OAT: variants seen among roughly 807,000 people sequenced by gnomAD.
The protein encoded by OAT is ornithine aminotransferase.
In OAT, 35 loss-of-function variants were observed where a neutral mutation model predicts 48.4. That is an observed-to-expected ratio of 0.72 (90% CI 0.55 to 0.96). The LOEUF (loss-of-function observed/expected upper bound fraction) is 0.96, where lower values mean the gene tolerates loss of function less well. Among genes scored for constraint, OAT ranks in the 40% least tolerant of loss-of-function variants. The probability of loss-of-function intolerance (pLI) is 0.00; values close to 1 mark genes in which losing one functional copy is unlikely to be tolerated. For missense variants in OAT, 438 were observed against 537.9 expected (o/e 0.81, Z 1.84); for synonymous variants, 182 against 198.4 (o/e 0.92, Z 0.70).
At position 124,400,859 on chromosome 10, in the gene OAT, A is replaced by T. The variant is rs1951386190; in HGVS notation, c.1140T>A (p.Ile380=). ...CCATACCTTTGGTTTCTTTAATGAC[A>T]ATAGCGTTTAATAATCCTTTTCCTC... ...AVRGKGLLNA[I]VIKETKDWDA... The change falls in exon 9 of 10, where the codon ATT becomes ATA. Residue 380 remains isoleucine (I), a synonymous_variant. Coordinates refer to ENST00000368845, the MANE Select transcript of OAT (RefSeq NM_000274.4). The T allele has an allele frequency of 6.2e-7, 1 of 1,603,962 alleles. No homozygotes were observed. Among genetic ancestry groups the T allele is most frequent in the East Asian group, 2.2e-5 (1 of 44,732 alleles).
chr10:124,404,765 T>C (rs1015904611), intron 5 of OAT, among the ~76,000 whole-genome samples: 2 of 152,144 alleles, frequency 1.3e-5, no homozygotes, highest in Non-Finnish European at 2.9e-5. Flanking sequence ...TAAATCTGGC[T>C]GGGCACAGTG....
intron 2 of OAT, among the ~76,000 whole-genome samples, chr10:124,409,971 A>T (rs1455971490): frequency 6.6e-6 from 1 of 152,230 alleles, no homozygotes; most frequent in African/African-American, 2.4e-5. Flanking sequence ...GAAAGTAAAA[A>T]CAAGGTTGCC....
chr10:124,405,006 T>G (rs1232711578), intron 5 of OAT, among the ~76,000 whole-genome samples: 1 of 152,200 alleles, frequency 6.6e-6, no homozygotes, highest in African/African-American at 2.4e-5. Context: ...ATTGTGCCAC[T>G]GCGCTCCAGC....
chr10:124,415,536 A>G (rs1420936496), intron 1 of OAT, among the ~76,000 whole-genome samples: 3 of 152,230 alleles, frequency 2.0e-5, no homozygotes, highest in Non-Finnish European at 2.9e-5. Context: ...ATTTCTATTA[A>G]AGAACCTTCT....
chr10:124,418,402 A>G (rs927552783), intron 1 of OAT, among the ~76,000 whole-genome samples: 1 of 152,100 alleles, frequency 6.6e-6, no homozygotes, highest in Non-Finnish European at 1.5e-5. Context: ...AACCCCAGGA[A>G]CCAAGGGTGC....
In OAT at chr10:124,397,957, G is replaced by A. The variant is rs528039246; in HGVS notation, c.1305C>T (p.Thr435=). Residue 435 remains threonine (T), a synonymous_variant, in exon 10 of 10, where the codon ACC becomes ACT. Transcript: ENST00000368845. ...CTGGCTACCCTCAGAAAGACAAGATGGTCTTGTTAATAATTTCAATGGACT... is the reference window on the plus strand; with the variant it reads ...CTGGCTACCCTCAGAAAGACAAGATAGTCTTGTTAATAATTTCAATGGACT... ...LRESIEIINK[T]ILSF is the part of the protein sequence containing the mutation. 9.9e-5 allele frequency: 160 copies of A among 1,613,732 alleles called. 1 individual carries two copies. The South Asian group carries it at 1.7e-3, about 17-fold the overall frequency.
In OAT at chr10:124,408,657, T is replaced by C. The variant is rs1389932668; in HGVS notation, c.425-20A>G. ...CCACTCCTATCAGGAGAGAAAAATGTTCAGATTTTTTTAAAATGTTAAACT... is the reference window on the plus strand; with the variant it reads ...CCACTCCTATCAGGAGAGAAAAATGCTCAGATTTTTTTAAAATGTTAAACT... On this transcript the variant is annotated intron_variant, in intron 3 of 9. Coordinates refer to ENST00000368845, the MANE Select transcript of OAT (RefSeq NM_000274.4). The C allele has an allele frequency of 6.2e-6, 10 of 1,600,884 alleles. No individual in the cohort carries two copies. The highest frequency in any genetic ancestry group is 8.6e-6 in the Non-Finnish European group (10 of 1,168,470).
intron 1 of OAT, among the ~76,000 whole-genome samples, chr10:124,413,646 C>T (rs1212349365): frequency 6.6e-6 from 1 of 152,174 alleles, no homozygotes; most frequent in East Asian, 1.9e-4. Flanking sequence ...CTGCGCATTG[C>T]ACTCCAGCCT....
At position 124,412,123 on chromosome 10, in the gene OAT, C is replaced by G. The variant is rs760716065; in HGVS notation, c.49G>C (p.Gly17Arg). The G allele has an allele frequency of 1.9e-6, 3 of 1,614,018 alleles. No homozygotes were observed. Among genetic ancestry groups the G allele is most frequent in the Non-Finnish European group, 2.5e-6 (3 of 1,180,010 alleles). ...HLQRFAVLSRGVHSSVASATS... is the reference protein window; with the variant it reads ...HLQRFAVLSRRVHSSVASATS... ...GCAGAAGCCACTGAAGAATGAACTC[C>G]GCGACTAAGTACAGCAAACCTCTGC... is the stretch of plus-strand genomic sequence containing the variant. Residue 17 changes from glycine (G) to arginine (R), a missense_variant, in exon 2 of 10, where the codon GGA becomes CGA. Gly to Arg is a moderately radical substitution (Grantham distance 125). Coordinates refer to ENST00000368845, the MANE Select transcript of OAT (RefSeq NM_000274.4).
At chr10:124,411,165 G>GAAAAA (rs1564738881) in intron 2 of OAT, among the ~76,000 whole-genome samples, 1 of 75,250 alleles carries the variant, frequency 1.3e-5, no homozygotes, top group African/African-American at 5.0e-5. Flanking sequence ...AAAAAAAAAA[G>GAAAAA]AAGAAGAGAT....
chr10:124,401,078 TAGATA>T, intron 8 of OAT, 94 bp from the exon 9 acceptor site: 1 of 840,954 alleles, frequency 1.2e-6, no homozygotes, highest in South Asian at 1.6e-5. Flanking sequence ...AAAACATGAC[TAGATA>T]AAATACCAGA....
In OAT at chr10:124,403,859, C is replaced by T. The variant is rs386833616; in HGVS notation, c.710G>A (p.Gly237Asp). The T allele has an allele frequency of 1.9e-6, 3 of 1,614,150 alleles. No individual in the cohort carries two copies. Among genetic ancestry groups the T allele is most frequent in the Admixed American group, 1.7e-5 (1 of 60,028 alleles). Residue 237 changes from glycine (G) to aspartate (D), a missense_variant, in exon 6 of 10, where the codon GGC (glycine) becomes GAC (aspartate). Transcript: ENST00000368845. ...FMVEPIQGEA[G>D]VVVPDPGYLM... is the part of the protein sequence containing the mutation. ...GTAACCTGGATCCGGAACAACAACGCCTGCTTCACCCTGAATTGGTTCTAC... is the reference window on the plus strand; with the variant it reads ...GTAACCTGGATCCGGAACAACAACGTCTGCTTCACCCTGAATTGGTTCTAC...
At chr10:124,400,070 T>C (rs1197128556) in intron 9 of OAT, among the ~76,000 whole-genome samples, 3 of 152,200 alleles carry the variant, frequency 2.0e-5, no homozygotes, top group Non-Finnish European at 4.4e-5. Flanking sequence ...CTTAATATAA[T>C]TATAAATCAG....
At chr10:124,408,305 G>A (rs1362321990) in intron 4 of OAT, among the ~76,000 whole-genome samples, 2 of 51,388 alleles carry the variant, frequency 3.9e-5, no homozygotes, top group East Asian at 6.8e-4. Flanking sequence ...GTGTGTGTGT[G>A]TGTGTGTGTG....
intron 1 of OAT, among the ~76,000 whole-genome samples, chr10:124,418,655 CGGA>C (rs1951996586): frequency 6.6e-6 from 1 of 151,826 alleles, no homozygotes; most frequent in South Asian, 2.1e-4. Flanking sequence ...GCGCGCCGGC[CGGA>C]GACTCCAGGG....
chr10:124,415,678 C>T (rs770159776), intron 1 of OAT, among the ~76,000 whole-genome samples: 1 of 152,152 alleles, frequency 6.6e-6, no homozygotes, highest in Non-Finnish European at 1.5e-5. Flanking sequence ...AGCGGAAAAT[C>T]CCGAGTTTGG....
At chr10:124,401,915 G>C in intron 7 of OAT, 76 bp from the exon 8 acceptor site, 1 of 1,095,336 alleles carries the variant, frequency 9.1e-7, no homozygotes. Flanking sequence ...CCAGAGTCTC[G>C]CTGTCACCCA....
chr10:124,405,021 G>A (rs1466955574), intron 5 of OAT, among the ~76,000 whole-genome samples: 2 of 152,258 alleles, frequency 1.3e-5, no homozygotes, highest in Non-Finnish European at 2.9e-5. Flanking sequence ...TCCAGCCTAG[G>A]TGACAGAGTG....
chr10:124,403,230 G>T, intron 6 of OAT, 175 bp from the exon 7 acceptor site: 1 of 702,046 alleles, frequency 1.4e-6, no homozygotes. Context: ...TAAGAATCTT[G>T]TAGACTCACC....
Sources: gnomAD v4.1 joint callset for allele counts (sites outside exome capture counted in the v4.1 genomes callset) on GRCh38, gnomAD v4.1.1 for gene constraint, MANE v1.5 for transcripts, NCBI Gene and HGNC (gene_info 2026-07-23, HGNC 2026-07-21) for gene names.